The following CSN2 variants were observed in gnomAD, a reference collection of about 807,000 sequenced individuals.
CSN2 encodes the protein casein beta.
In CSN2, 27 loss-of-function variants were observed where a neutral mutation model predicts 27.3. That is an observed-to-expected ratio of 0.99 (90% CI 0.73 to 1.36). The LOEUF (loss-of-function observed/expected upper bound fraction) is 1.36. Among genes scored for constraint, CSN2 ranks in the 40% most tolerant of loss-of-function variants. The pLI, the probability that CSN2 is intolerant of heterozygous loss-of-function variation, is 0.00. For missense variants in CSN2, 333 were observed against 264.5 expected, an observed-to-expected ratio of 1.26 and a Z score of -1.80; for synonymous variants, 131 against 94.8, an observed-to-expected ratio of 1.38 and a Z score of -2.22.
At chr4:69,959,213 A>T (rs1214711243) in intron 3 of CSN2, 144 bp from the exon 4 acceptor site, 2 of 667,666 alleles carry the variant, frequency 3.0e-6, no homozygotes, top group Non-Finnish European at 4.6e-6. Flanking sequence ...AAACTGTTCT[A>T]TATGAGCTTG....
intron 1 of CSN2, among the ~76,000 whole-genome samples, chr4:69,961,252 A>T (rs1723569953): frequency 6.6e-6 from 1 of 152,184 alleles, no homozygotes; most frequent in East Asian, 1.9e-4. Flanking sequence ...AGCTATTCAG[A>T]TTTTTCAGCT....
chr4:69,956,824 G>A (rs563439934), intron 6 of CSN2, among the ~76,000 whole-genome samples: 43 of 152,086 alleles, frequency 2.8e-4, no homozygotes, highest in African/African-American at 1.0e-3. Flanking sequence ...TCAACACTCA[G>A]TTTCCTCTAC....
intron 2 of CSN2, 30 bp from the exon 3 acceptor site, chr4:69,960,109 A>G: frequency 1.9e-6 from 3 of 1,602,210 alleles, no homozygotes; most frequent in Non-Finnish European, 2.6e-6. Context: ...ACAACCAGCT[A>G]AATCTTCTAG....
Position 69,960,071 on chromosome 4 carries a change from T to G in CSN2, c.60A>C (p.Glu20Asp), listed in dbSNP as rs768526883. Residue 20 changes from glutamate to aspartate, a missense_variant, in exon 3 of 8, where the codon GAA becomes GAC. By Grantham distance (45) the Glu-to-Asp change is conservative (BLOSUM62 2). Coordinates refer to ENST00000353151, the MANE Select transcript of CSN2 (RefSeq NM_001891.4). ...AACTTACCTCACTGCTTGAAAGGCT[T>G]TCTATGGTCTGTGGGAAAAAAAAAT... ...VALALARETIESLSSSEESIT... is the reference protein window; with the variant it reads ...VALALARETIDSLSSSEESIT... The G allele has an allele frequency of 6.2e-7, 1 of 1,611,792 alleles. No individual in the cohort carries two copies. The highest frequency in any genetic ancestry group is 1.3e-5 in the African/African-American group (1 of 74,802).
chr4:69,959,938 AC>A (rs1324391493), intron 3 of CSN2, 114 bp downstream of exon 3: 1 of 845,948 alleles, frequency 1.2e-6, no homozygotes, highest in Middle Eastern at 2.5e-4. Flanking sequence ...AGAAATATGT[AC>A]TAGAACTTAT....
In CSN2 at chr4:69,960,066, A is replaced by C. The variant is rs779879469; in HGVS notation, c.65T>G (p.Leu22Arg). ...ATGTTAACTTACCTCACTGCTTGAA[A>C]GGCTTTCTATGGTCTGTGGGAAAAA... Reference protein sequence around the residue: ...LALARETIESLSSSEESITEY... With the variant: ...LALARETIESRSSSEESITEY... Residue 22 changes from leucine (L) to arginine (R), a missense_variant, in exon 3 of 8, where the codon CTT (leucine) becomes CGT (arginine). Leu to Arg is a moderately radical substitution (Grantham distance 102). Coordinates refer to ENST00000353151, the MANE Select transcript of CSN2 (RefSeq NM_001891.4). The C allele has an allele frequency of 5.0e-6, 8 of 1,611,924 alleles. No homozygotes were observed. Among genetic ancestry groups the C allele is most frequent in the Admixed American group, 1.7e-5 (1 of 59,810 alleles).
At position 69,955,296 on chromosome 4, in the gene CSN2, T is replaced by C. The variant is rs1723362373; in HGVS notation, c.*333A>G. 1 of 152,362 alleles carries C rather than the reference T, an allele frequency of 6.6e-6. No individual in the cohort carries two copies. Among genetic ancestry groups the C allele is most frequent in the African/African-American group, 2.4e-5 (1 of 41,384 alleles). The allele number at this position is 152,362 out of a possible 1,614,324, so 9.4% of individuals were successfully genotyped here. A position where few individuals can be genotyped will look rare whatever the true frequency, so the allele number is the denominator to read the frequency against. Reference sequence around the variant, plus strand: ...TTTATTGAAATGACTGGAAAGGAAATAGATTCTTAAAGAAATAAAAATAAG... The same window carrying C: ...TTTATTGAAATGACTGGAAAGGAAACAGATTCTTAAAGAAATAAAAATAAG... On this transcript the variant is annotated 3_prime_UTR_variant, in exon 8 of 8. Coordinates refer to ENST00000353151, the MANE Select transcript of CSN2 (RefSeq NM_001891.4).
chr4:69,960,894 A>C lies in CSN2; in HGVS notation c.51+51T>G, dbSNP rs1181484887. ...GTGATGTTATTCTCTACAAATAAGC[A>C]TATAGTCCACTATTTATTGATTGTT... On this transcript the variant is annotated intron_variant, in intron 2 of 7. Transcript: ENST00000353151. 4 of 1,394,844 alleles carry C rather than the reference A, an allele frequency of 2.9e-6. No homozygotes were observed. In the African/African-American group the frequency reaches 5.7e-5, roughly 20 times the overall value. The allele number at this position is 1,394,844 out of a possible 1,614,324, so 86.4% of individuals were successfully genotyped here. A position where few individuals can be genotyped will look rare whatever the true frequency, so the allele number is the denominator to read the frequency against.
At chr4:69,959,507 A>T (rs868578255) in intron 3 of CSN2, among the ~76,000 whole-genome samples, 57 of 152,138 alleles carry the variant, frequency 3.7e-4, no homozygotes, top group African/African-American at 1.3e-3. Flanking sequence ...CCATTTACTT[A>T]TCAAGTGATC....
At chr4:69,958,125 A>G (rs1723464237) in intron 5 of CSN2, among the ~76,000 whole-genome samples, 1 of 152,192 alleles carries the variant, frequency 6.6e-6, no homozygotes, top group Non-Finnish European at 1.5e-5. Flanking sequence ...GTCTTCAGAG[A>G]GAATTTACTT....
chr4:69,962,811 A>T (rs939389800), intron 1 of CSN2, among the ~76,000 whole-genome samples: 1 of 152,160 alleles, frequency 6.6e-6, no homozygotes, highest in African/African-American at 2.4e-5. Flanking sequence ...CTGCAGAATG[A>T]GAGAAAATTT....
intron 7 of CSN2, 101 bp downstream of exon 7, chr4:69,956,213 T>C: frequency 1.3e-6 from 1 of 748,840 alleles, no homozygotes; most frequent in Non-Finnish European, 1.8e-6. Context: ...TTCTTGTATG[T>C]ATGAAATTTT....
At chr4:69,960,675 G>C (rs746244575) in intron 2 of CSN2, among the ~76,000 whole-genome samples, 4 of 151,832 alleles carry the variant, frequency 2.6e-5, no homozygotes, top group Non-Finnish European at 5.9e-5. Context: ...ATTATATTTC[G>C]TTGCCATTTT....
intron 1 of CSN2, among the ~76,000 whole-genome samples, chr4:69,964,545 AAAC>A (rs1416490015): frequency 6.6e-6 from 1 of 151,850 alleles, no homozygotes; most frequent in African/African-American, 2.4e-5. Flanking sequence ...CTATTACAGA[AAAC>A]AAATATTTTT....
rs1416720566 is a variant in CSN2, at chr4:69,957,387, G to A, written c.562C>T (p.Gln188Ter). The A allele has an allele frequency of 1.2e-6, 2 of 1,613,672 alleles. No homozygotes were observed. The highest frequency in any genetic ancestry group is 1.7e-4 in the Middle Eastern group (1 of 6,056). Residue 188 changes from glutamine (Q) to a stop codon, truncating the protein, a stop_gained, in exon 6 of 8, where the codon CAG becomes TAG. Transcript: ENST00000353151. LOFTEE classifies it high-confidence loss of function. ...AGGGCTTGAACAGGCACAGCTCTCT[G>A]AGGGTAGGGCACCACTTGCTGGGGG... ...PIPQQVVPYP[Q>*]RAVPVQALLL...
chr4:69,959,168 T>C (rs1169920020), intron 3 of CSN2, 99 bp from the exon 4 acceptor site: 5 of 906,484 alleles, frequency 5.5e-6, no homozygotes, highest in African/African-American at 1.7e-5. Flanking sequence ...GATAATATCA[T>C]TAATAACTTT....
chr4:69,958,968 T>C lies in CSN2; in HGVS notation c.100-15A>G. On this transcript the variant is annotated splice_polypyrimidine_tract_variant and intron_variant, in intron 4 of 7. Coordinates refer to ENST00000353151, the MANE Select transcript of CSN2 (RefSeq NM_001891.4). ...TCAACTTTCTGCTAAAGATATATCATATATAAAGATATGTTACCATCTGTA... is the reference window on the plus strand; with the variant it reads ...TCAACTTTCTGCTAAAGATATATCACATATAAAGATATGTTACCATCTGTA... 3 of 1,584,572 alleles carry C rather than the reference T, an allele frequency of 1.9e-6. No individual in the cohort carries two copies. The highest frequency in any genetic ancestry group is 2.3e-5 in the South Asian group (2 of 88,496).
chr4:69,961,739 T>C (rs572090482), intron 1 of CSN2, among the ~76,000 whole-genome samples: 297 of 152,130 alleles, frequency 2.0e-3, no homozygotes, highest in African/African-American at 6.9e-3. Context: ...CCAGGGCAAT[T>C]AGGCAGGAGA....
chr4:69,961,387 A>C (rs1483575908), intron 1 of CSN2, among the ~76,000 whole-genome samples: 1 of 152,146 alleles, frequency 6.6e-6, no homozygotes, highest in Non-Finnish European at 1.5e-5. Context: ...ATCCACCATG[A>C]TCAAGTGGGC....
Sources: allele counts gnomAD v4.1 joint callset (sites outside exome capture counted in the v4.1 genomes callset), GRCh38; gene constraint gnomAD v4.1.1; transcripts MANE v1.5; gene names NCBI Gene and HGNC (gene_info 2026-07-23, HGNC 2026-07-21).